CIMIP6: variants seen among roughly 807,000 people sequenced by gnomAD.
The protein encoded by CIMIP6 is uncharacterized protein C2orf73.
chr2:54,340,490 A>G, the CIMIP6 span, among the ~76,000 whole-genome samples: 1 of 152,168 alleles, frequency 6.6e-6, no homozygotes, highest in African/African-American at 2.4e-5. Flanking sequence ...AAGCACTTTC[A>G]CTCTTCCAGG....
chr2:54,362,299 A>G, the CIMIP6 span, among the ~76,000 whole-genome samples: 1 of 152,240 alleles, frequency 6.6e-6, no homozygotes, highest in Non-Finnish European at 1.5e-5. Context: ...GTACAAAAGA[A>G]TGACTATAAT....
At chr2:54,351,325 A>T in the CIMIP6 span, among the ~76,000 whole-genome samples, 1 of 152,366 alleles carries the variant, frequency 6.6e-6, no homozygotes, top group East Asian at 1.9e-4. Context: ...ACATGCATGC[A>T]TATGTTCATT....
chr2:54,375,068 T>G, the CIMIP6 span, among the ~76,000 whole-genome samples: 4 of 152,194 alleles, frequency 2.6e-5, no homozygotes, highest in Admixed American at 6.5e-5. Context: ...GGTTTCCAGC[T>G]ACCTTACCAG....
chr2:54,375,841 G>A, the CIMIP6 span, among the ~76,000 whole-genome samples: 1 of 151,858 alleles, frequency 6.6e-6, no homozygotes, highest in African/African-American at 2.4e-5. Context: ...GATATAGGTA[G>A]TATGTTCCAA....
the CIMIP6 span, among the ~76,000 whole-genome samples, chr2:54,359,436 G>A: frequency 9.2e-5 from 14 of 151,936 alleles, no homozygotes; most frequent in African/African-American, 3.4e-4. Context: ...TTGGAATTTG[G>A]TCTACTTAAA....
chr2:54,384,186 A>G, the CIMIP6 span, among the ~76,000 whole-genome samples: 4 of 152,344 alleles, frequency 2.6e-5, no homozygotes, highest in East Asian at 7.7e-4. Flanking sequence ...CCTCTCAAGT[A>G]AATACTATTA....
the CIMIP6 span, among the ~76,000 whole-genome samples, chr2:54,338,367 C>A: frequency 1.2e-4 from 2 of 16,302 alleles, 1 homozygote; most frequent in Non-Finnish European, 4.8e-4. Context: ...CTCAGGAGTT[C>A]AAAGCTGCAG....
the CIMIP6 span, among the ~76,000 whole-genome samples, chr2:54,337,568 T>C: frequency 6.6e-6 from 1 of 152,156 alleles, no homozygotes; most frequent in Non-Finnish European, 1.5e-5. Flanking sequence ...ATCCTTACAT[T>C]GGCAATACTA....
At chr2:54,345,503 G>A in the CIMIP6 span, among the ~76,000 whole-genome samples, 71 of 152,246 alleles carry the variant, frequency 4.7e-4, 1 homozygote, top group African/African-American at 1.7e-3. Context: ...AGGTCAAACT[G>A]TTTTTCTTGC....
chr2:54,355,221 C>T, the CIMIP6 span, among the ~76,000 whole-genome samples: 1 of 152,064 alleles, frequency 6.6e-6, no homozygotes, highest in Non-Finnish European at 1.5e-5. Flanking sequence ...GTTGTTACTC[C>T]TTCATAATTT....
At chr2:54,355,167 T>G in the CIMIP6 span, among the ~76,000 whole-genome samples, 1 of 139,626 alleles carries the variant, frequency 7.2e-6, no homozygotes, top group African/African-American at 2.5e-5. Context: ...AAAAATTAAT[T>G]ATCTTGTGTC....
At chr2:54,380,674 C>T in the CIMIP6 span, among the ~76,000 whole-genome samples, 4 of 152,354 alleles carry the variant, frequency 2.6e-5, no homozygotes, top group South Asian at 8.3e-4. Flanking sequence ...CCACATGAGC[C>T]AGGGCTATGT....
chr2:54,341,335 C>T, the CIMIP6 span, among the ~76,000 whole-genome samples: 271 of 152,254 alleles, frequency 1.8e-3, 1 homozygote, highest in African/African-American at 6.1e-3. Flanking sequence ...CCTCTTTTTG[C>T]TCTTCTGCCT....
the CIMIP6 span, among the ~76,000 whole-genome samples, chr2:54,377,760 TGTA>T: frequency 6.6e-6 from 1 of 151,846 alleles, no homozygotes; most frequent in African/African-American, 2.4e-5. Context: ...CTGGAGAGTG[TGTA>T]GATGAGGAAA....
the CIMIP6 span, among the ~76,000 whole-genome samples, chr2:54,353,365 T>A: frequency 0.11 from 16,932 of 152,136 alleles, 1,150 homozygotes; most frequent in Middle Eastern, 0.19. Flanking sequence ...CTCTGAGTCA[T>A]GTCTATAAAG....
the CIMIP6 span, among the ~76,000 whole-genome samples, chr2:54,342,081 A>G: frequency 6.6e-6 from 1 of 152,194 alleles, no homozygotes; most frequent in Non-Finnish European, 1.5e-5. Flanking sequence ...ATCTCTGCAG[A>G]AATTACCCCA....
chr2:54,342,866 T>G, the CIMIP6 span, among the ~76,000 whole-genome samples: 36 of 152,126 alleles, frequency 2.4e-4, no homozygotes, highest in Non-Finnish European at 5.1e-4. Flanking sequence ...TCATAGGGTT[T>G]CTCAAGCATT....
the CIMIP6 span, chr2:54,361,409 T>A: frequency 1.3e-5 from 2 of 152,210 alleles, no homozygotes; most frequent in South Asian, 2.1e-4. Context: ...TTATAAGATA[T>A]GTTATATTGC....
the CIMIP6 span, among the ~76,000 whole-genome samples, chr2:54,342,942 C>G: frequency 1.3e-5 from 2 of 152,086 alleles, no homozygotes; most frequent in African/African-American, 4.8e-5. Flanking sequence ...GTAACAGTTC[C>G]CCTCTCTACT....
Sources: gnomAD v4.1 joint callset for allele counts (sites outside exome capture counted in the v4.1 genomes callset) on GRCh38, gnomAD v4.1.1 for gene constraint, MANE v1.5 for transcripts, NCBI Gene and HGNC (gene_info 2026-07-23, HGNC 2026-07-21) for gene names.